The following SS18 variants were observed in gnomAD, a reference collection of about 807,000 sequenced individuals.
SS18 encodes SS18 subunit of BAF chromatin remodeling complex.
SS18 carries 28 observed loss-of-function variants against 72.5 expected under a neutral mutation model. The ratio of observed to expected loss-of-function variants is 0.39; its 90% confidence interval spans 0.29 to 0.53. SS18 has a LOEUF of 0.53. Among genes scored for constraint, SS18 ranks in the 20% least tolerant of loss-of-function variants. The probability of loss-of-function intolerance (pLI) is 0.76; values close to 1 mark genes in which losing one functional copy is unlikely to be tolerated. For missense variants in SS18, 518 were observed against 535.3 expected, an observed-to-expected ratio of 0.97 and a Z score of 0.32; for synonymous variants, 172 against 164.2, an observed-to-expected ratio of 1.05 and a Z score of -0.37.
At chr18:26,073,639 C>T (rs554997767) in intron 3 of SS18, among the ~76,000 whole-genome samples, 2 of 152,130 alleles carry the variant, frequency 1.3e-5, no homozygotes, top group South Asian at 2.1e-4. Context: ...TACTGGCTGC[C>T]ACACACTTGC....
chr18:26,068,580 G>C (rs757228447), intron 3 of SS18: 1 of 152,184 alleles, frequency 6.6e-6, no homozygotes, highest in Non-Finnish European at 1.5e-5. Flanking sequence ...AACTCTGTAA[G>C]ACCAAATGTT....
At chr18:26,088,256 T>C (rs2054651068) in intron 1 of SS18, among the ~76,000 whole-genome samples, 1 of 152,148 alleles carries the variant, frequency 6.6e-6, no homozygotes, top group African/African-American at 2.4e-5. Context: ...AAGTTAAGAG[T>C]CCGAGTTGGT....
intron 10 of SS18, among the ~76,000 whole-genome samples, chr18:26,024,042 G>A (rs566676024): frequency 1.3e-5 from 2 of 151,894 alleles, no homozygotes; most frequent in African/African-American, 2.4e-5. Context: ...CTACACAGAC[G>A]AACCTTGAAA....
chr18:26,018,393 T>C lies in SS18; in HGVS notation c.1231-13A>G, dbSNP rs533639407. ...TTCCATACTGTCCCTAAAAGATAAA[T>C]TTAAAAATATAATTAGATAATAGTT... On this transcript the variant is annotated splice_polypyrimidine_tract_variant and intron_variant, in intron 10 of 10. Transcript: ENST00000415083. 1.3e-6 allele frequency: 2 copies of C among 1,534,520 alleles called. No individual in the cohort carries two copies. The highest frequency in any genetic ancestry group is 2.3e-5 in the South Asian group (2 of 87,504).
At chr18:26,027,725 T>C (rs1013121563) in intron 10 of SS18, among the ~76,000 whole-genome samples, 3 of 129,018 alleles carry the variant, frequency 2.3e-5, no homozygotes, top group Admixed American at 7.7e-5. Context: ...CAAATGACTC[T>C]GAGAAAATTA....
At chr18:26,072,580 G>A (rs12953868) in intron 3 of SS18, among the ~76,000 whole-genome samples, 8,406 of 151,988 alleles carry the variant, frequency 0.055, 271 homozygotes, top group East Asian at 0.13. Context: ...GACGGATCAC[G>A]AGGTCAGGAG....
At chr18:26,077,670 T>G (rs1411332885) in intron 3 of SS18, among the ~76,000 whole-genome samples, 1 of 152,128 alleles carries the variant, frequency 6.6e-6, no homozygotes, top group Non-Finnish European at 1.5e-5. Context: ...AAATTGAATA[T>G]TGTAAGACAG....
intron 10 of SS18, among the ~76,000 whole-genome samples, chr18:26,024,076 A>G (rs1423261694): frequency 6.6e-6 from 1 of 152,122 alleles, no homozygotes; most frequent in Non-Finnish European, 1.5e-5. Context: ...TAAAAAAAAC[A>G]AAACACCAGT....
At chr18:26,041,120 A>G (rs1457782173) in intron 5 of SS18, among the ~76,000 whole-genome samples, 3 of 152,222 alleles carry the variant, frequency 2.0e-5, no homozygotes, top group African/African-American at 7.2e-5. Flanking sequence ...CTATTAAAAC[A>G]TAAGCTATAA....
At chr18:26,027,166 A>T (rs1234696953) in intron 10 of SS18, among the ~76,000 whole-genome samples, 1 of 152,204 alleles carries the variant, frequency 6.6e-6, no homozygotes, top group African/African-American at 2.4e-5. Context: ...AAGTTCAAAA[A>T]CTAATACTAC....
upstream of SS18, chr18:26,090,839 G>A: frequency 3.8e-6 from 2 of 530,424 alleles, no homozygotes; most frequent in Non-Finnish European, 6.7e-6. Flanking sequence ...GGCACCCCCT[G>A]GCCCTTTGCG....
chr18:26,041,832 T>C (rs948339739), intron 5 of SS18, among the ~76,000 whole-genome samples: 1 of 152,160 alleles, frequency 6.6e-6, no homozygotes, highest in Non-Finnish European at 1.5e-5. Flanking sequence ...AAGCCCTAGA[T>C]AGAAAAGACC....
chr18:26,066,445 G>T (rs1339502942), intron 3 of SS18, among the ~76,000 whole-genome samples: 1 of 151,874 alleles, frequency 6.6e-6, no homozygotes, highest in Admixed American at 6.6e-5. Flanking sequence ...CCCTCAAGCC[G>T]CCTTATCCGT....
In SS18 at chr18:26,018,162, G is replaced by A. The variant is rs16942076; in HGVS notation, c.*192C>T. 3.2e-3 allele frequency: 1,555 copies of A among 489,264 alleles called. 18 individuals are homozygous for A. Among genetic ancestry groups the A allele is most frequent in the African/African-American group, 0.028 (1,417 of 50,686 alleles). 30.3% of individuals were successfully genotyped at this position (489,264 alleles called of 1,614,324 possible). ...CTAGAGTAGAAATGTGAAATCAAGA[G>A]TATTTTTGAGCTACTAAAGCCTTTT... On this transcript the variant is annotated 3_prime_UTR_variant, in exon 11 of 11. Coordinates refer to ENST00000415083, the MANE Select transcript of SS18 (RefSeq NM_001007559.3).
chr18:26,084,999 T>C (rs958678642), intron 2 of SS18, among the ~76,000 whole-genome samples: 4 of 152,172 alleles, frequency 2.6e-5, no homozygotes, highest in Non-Finnish European at 5.9e-5. Context: ...CTGAGGTTAT[T>C]AAAAGTAAGA....
At chr18:26,047,317 T>C (rs1276911991) in intron 5 of SS18, among the ~76,000 whole-genome samples, 2 of 149,288 alleles carry the variant, frequency 1.3e-5, no homozygotes, top group Admixed American at 6.7e-5. Flanking sequence ...AATATACTCA[T>C]GTTAACTGAA....
chr18:26,039,168 CAAAAAAAAAAA>C (rs34318951), intron 6 of SS18, 110 bp downstream of exon 6: 66 of 251,618 alleles, frequency 2.6e-4, no homozygotes, highest in African/African-American at 6.1e-4. Flanking sequence ...TACCTTTTGT[CAAAAAAAAAAA>C]AAAAAAAAAA....
At chr18:26,073,452 T>C (rs2054352296) in intron 3 of SS18, among the ~76,000 whole-genome samples, 1 of 152,118 alleles carries the variant, frequency 6.6e-6, no homozygotes, top group African/African-American at 2.4e-5. Flanking sequence ...CAGAAATTAA[T>C]CATAAACAAA....
chr18:26,090,237 C>G, intron 1 of SS18: 2 of 519,484 alleles, frequency 3.8e-6, no homozygotes, highest in East Asian at 3.6e-5. Context: ...CGCCCCATCC[C>G]TAGAGAAATC....
Sources: gnomAD v4.1 joint callset for allele counts (sites outside exome capture counted in the v4.1 genomes callset) on GRCh38, gnomAD v4.1.1 for gene constraint, MANE v1.5 for transcripts, NCBI Gene and HGNC (gene_info 2026-07-23, HGNC 2026-07-21) for gene names.